Variants in MSC observed in about 807,000 individuals in gnomAD.
MSC encodes musculin.
In MSC, 16 loss-of-function variants were observed where a neutral mutation model predicts 14.4. The ratio of observed to expected loss-of-function variants is 1.11; its 90% CI spans 0.75 to 1.69. The LOEUF is 1.69. MSC is among the 40% of genes most tolerant of loss of function. The pLI, the probability that MSC is intolerant of heterozygous loss-of-function variation, is 0.00. For synonymous variants in MSC, 165 were observed against 128.5 expected (o/e 1.28, Z -1.92); for missense variants, 320 against 288.1 (o/e 1.11, Z -0.80).
chr8:71,843,044 A>G, intron 1 of MSC: 2 of 282,158 alleles, frequency 7.1e-6, no homozygotes, highest in South Asian at 5.5e-5. Flanking sequence ...ACACACACAC[A>G]CACACGCACA....
At position 71,844,165 on chromosome 8, in the gene MSC, G is replaced by T; in HGVS notation, c.14C>A (p.Ser5Ter). 1 of 1,555,682 alleles carries T rather than the reference G, an allele frequency of 6.4e-7. No individual in the cohort carries two copies. Among genetic ancestry groups the T allele is most frequent in the Non-Finnish European group, 8.7e-7 (1 of 1,150,090 alleles). The part of the protein sequence containing the change: MSTG[S>*]VSDPEEMELR... ...CTCCATCTCCTCCGGATCACTCACC[G>T]AGCCCGTGGACATCCCGTTGTCCCC... Residue 5 changes from serine (S) to a stop codon, truncating the protein, a stop_gained, in exon 1 of 2, where the codon TCG (serine) becomes TAG (stop). Coordinates refer to ENST00000325509, the MANE Select transcript of MSC (RefSeq NM_005098.4). LOFTEE classifies it high-confidence loss of function.
intron 1 of MSC, chr8:71,842,980 T>G (rs963501257): frequency 6.5e-6 from 3 of 464,654 alleles, no homozygotes; most frequent in African/African-American, 6.0e-5. Flanking sequence ...CGCAGGATAA[T>G]TTGGTGAAAC....
chr8:71,844,050 G>T lies in MSC; in HGVS notation c.129C>A (p.Asp43Glu), dbSNP rs1360294434. ...GGTCCTCCTCCTCTGCCGACGAGTT[G>T]TCACTGGGCGAGGCGTAGCTGCGCT... ...GVERSYASPS[D>E]NSSAEEEDPD... Residue 43 changes from aspartate to glutamate, a missense_variant, in exon 1 of 2, where the codon GAC becomes GAA. Transcript: ENST00000325509. 2 of 1,548,618 alleles carry T rather than the reference G, an allele frequency of 1.3e-6. No individual in the cohort carries two copies. The highest frequency in any genetic ancestry group is 2.8e-5 in the African/African-American group (2 of 72,638).
At position 71,843,900 on chromosome 8, in the gene MSC, C is replaced by A; in HGVS notation, c.279G>T (p.Lys93Asn). 6.3e-7 allele frequency: 1 copy of A among 1,595,478 alleles called. No individual in the cohort carries two copies. The highest frequency in any genetic ancestry group is 8.5e-7 in the Non-Finnish European group (1 of 1,171,906). Residue 93 changes from lysine (K) to asparagine (N), a missense_variant, in exon 1 of 2, where the codon AAG becomes AAT. Transcript: ENST00000325509. ...CGGCTGAGCCCTTGGCCGGGAGGGG[C>A]TTCTTGCCACCACCGCCCGCGCTAC... ...AGGSAGGGGKKPLPAKGSAAE... is the reference protein window; with the variant it reads ...AGGSAGGGGKNPLPAKGSAAE...
Position 71,842,356 on chromosome 8 carries a change from C to T in MSC, c.*305G>A. ...GGCTGTCTGGCGCGGGCTGGGGCAGCAGCCGAGAGTTAGTCTACAGAGCTA... is the reference window on the plus strand; with the variant it reads ...GGCTGTCTGGCGCGGGCTGGGGCAGTAGCCGAGAGTTAGTCTACAGAGCTA... On this transcript the variant is annotated 3_prime_UTR_variant, in exon 2 of 2. Transcript: ENST00000325509. 5.4e-6 allele frequency: 2 copies of T among 371,930 alleles called. No homozygotes were observed. The highest frequency in any genetic ancestry group is 5.2e-6 in the Non-Finnish European group (1 of 193,518). The allele number at this position is 371,930 out of a possible 1,614,324, so 23.0% of individuals were successfully genotyped here. A position where few individuals can be genotyped will look rare whatever the true frequency, so the allele number is the denominator to read the frequency against.
rs61732505 is a variant in MSC at position 71,843,884 on chromosome 8, C to T, written c.295G>A (p.Gly99Ser). Reference sequence around the variant, plus strand: ...GACTGCTTGCACTCTGCGGCTGAGCCCTTGGCCGGGAGGGGCTTCTTGCCA... The same window carrying T: ...GACTGCTTGCACTCTGCGGCTGAGCTCTTGGCCGGGAGGGGCTTCTTGCCA... Reference protein sequence around the residue: ...GGGKKPLPAKGSAAECKQSQR... With the variant: ...GGGKKPLPAKSSAAECKQSQR... Residue 99 changes from glycine to serine, a missense_variant, in exon 1 of 2, where the codon GGC (glycine) becomes AGC (serine). Physicochemically the swap from Gly to Ser is moderately conservative, Grantham distance 56. Transcript: ENST00000325509. 5.1e-4 allele frequency: 812 copies of T among 1,606,568 alleles called. 3 individuals are homozygous for T. The African/African-American group carries it at 9.9e-3, about 20-fold the overall frequency.
Position 71,842,424 on chromosome 8 carries a change from A to AAGCT in MSC, c.*233_*236dup. ...TGCGTCCGCGTCTCGTCACGAAAGG[A>AAGCT]AGCTCTTTTTGGAGAGGCAAAACGT... On this transcript the variant is annotated 3_prime_UTR_variant, in exon 2 of 2. Transcript: ENST00000325509. 1 of 530,612 alleles carries AAGCT rather than the reference A, an allele frequency of 1.9e-6. No homozygotes were observed. Among genetic ancestry groups the AAGCT allele is most frequent in the Non-Finnish European group, 3.4e-6 (1 of 289,884 alleles). 32.9% of individuals were successfully genotyped at this position (530,612 alleles called of 1,614,324 possible).
intron 1 of MSC, 178 bp downstream of exon 1, chr8:71,843,467 A>G: frequency 1.3e-6 from 1 of 784,852 alleles, no homozygotes; most frequent in Non-Finnish European, 2.2e-6. Context: ...ATTCTTCTTC[A>G]GGGAAATGGC....
At position 71,842,724 on chromosome 8, in the gene MSC, T is replaced by C; in HGVS notation, c.558A>G (p.Gly186=). 6.2e-7 allele frequency: 1 copy of C among 1,614,070 alleles called. No homozygotes were observed. Among genetic ancestry groups the C allele is most frequent in the Non-Finnish European group, 8.5e-7 (1 of 1,179,982 alleles). Reference sequence around the variant, plus strand: ...CTTCTTTGGTGTCAGAGTCCGGTCTTCCCGAGACCACGAATGGCCATGTCT... The same window carrying C: ...CTTCTTTGGTGTCAGAGTCCGGTCTCCCCGAGACCACGAATGGCCATGTCT... ...VNLTWPFVVS[G]RPDSDTKEVS... is the part of the protein sequence containing the mutation. Residue 186 remains glycine (G), a synonymous_variant, in exon 2 of 2, where the codon GGA becomes GGG. Coordinates refer to ENST00000325509, the MANE Select transcript of MSC (RefSeq NM_005098.4).
Position 71,842,594 on chromosome 8 carries a change from C to T in MSC, c.*67G>A. 2 of 1,464,866 alleles carry T rather than the reference C, an allele frequency of 1.4e-6. No homozygotes were observed. The highest frequency in any genetic ancestry group is 3.3e-5 in the Admixed American group (2 of 59,754). The allele number at this position is 1,464,866 out of a possible 1,614,324, so 90.7% of individuals were successfully genotyped here. A position where few individuals can be genotyped will look rare whatever the true frequency, so the allele number is the denominator to read the frequency against. The stretch of plus-strand genomic sequence containing the variant: ...CTTCTTCCCATCTCACGAGCTCTCC[C>T]TTCTCTCCGTGGCCCCCAAACACTC... On this transcript the variant is annotated 3_prime_UTR_variant, in exon 2 of 2. Transcript: ENST00000325509.
At chr8:71,842,841 G>T in intron 1 of MSC, 94 bp from the exon 2 acceptor site, 1 of 1,058,716 alleles carries the variant, frequency 9.4e-7, no homozygotes, top group South Asian at 1.3e-5. Flanking sequence ...TCCTGACTTG[G>T]AGTAGCTAAG....
chr8:71,842,597 C>G lies in MSC; in HGVS notation c.*64G>C. On this transcript the variant is annotated 3_prime_UTR_variant, in exon 2 of 2. Transcript: ENST00000325509. ...CTTCCCATCTCACGAGCTCTCCCTT[C>G]TCTCCGTGGCCCCCAAACACTCGCA... 3.4e-6 allele frequency: 5 copies of G among 1,483,632 alleles called. No homozygotes were observed. The highest frequency in any genetic ancestry group is 4.7e-6 in the Non-Finnish European group (5 of 1,061,558). 91.9% of individuals were successfully genotyped at this position (1,483,632 alleles called of 1,614,324 possible). A position where few individuals can be genotyped will look rare whatever the true frequency, so the allele number is the denominator to read the frequency against.
chr8:71,844,352 C>A lies in MSC; in HGVS notation c.-174G>T, dbSNP rs758680837. ...GCGAGGTGGGTGGCGAGAGCGTGAG[C>A]GCCCCTCTGCTGACCCCGGGGAGCG... is the stretch of plus-strand genomic sequence containing the variant. On this transcript the variant is annotated 5_prime_UTR_variant, in exon 1 of 2. Transcript: ENST00000325509. 6.6e-6 allele frequency: 6 copies of A among 911,618 alleles called. No homozygotes were observed. The highest frequency in any genetic ancestry group is 1.0e-5 in the Non-Finnish European group (6 of 577,660). 56.5% of individuals were successfully genotyped at this position (911,618 alleles called of 1,614,324 possible).
rs777540604 is a variant in MSC at position 71,843,634 on chromosome 8, C to T, written c.534+11G>A. The T allele has an allele frequency of 6.2e-7, 1 of 1,614,120 alleles. No individual in the cohort carries two copies. Among genetic ancestry groups the T allele is most frequent in the Non-Finnish European group, 8.5e-7 (1 of 1,180,016 alleles). On this transcript the variant is annotated intron_variant, in intron 1 of 1. Coordinates refer to ENST00000325509, the MANE Select transcript of MSC (RefSeq NM_005098.4). Reference sequence around the variant, plus strand: ...GCTGCTCTCCCGAATCCTTGCGCGCCGCGCCCCTACCAGGTTCACTGGGTG... The same window carrying T: ...GCTGCTCTCCCGAATCCTTGCGCGCTGCGCCCCTACCAGGTTCACTGGGTG...
In MSC at chr8:71,844,240, C is replaced by T; in HGVS notation, c.-62G>A. 2 of 1,602,346 alleles carry T rather than the reference C, an allele frequency of 1.2e-6. No homozygotes were observed. The highest frequency in any genetic ancestry group is 1.7e-6 in the Non-Finnish European group (2 of 1,175,810). On this transcript the variant is annotated 5_prime_UTR_variant, in exon 1 of 2. Transcript: ENST00000325509. The stretch of plus-strand genomic sequence containing the variant: ...TCCCCCCTGGCCAGTCTCGCTGTCT[C>T]CGCCTTCCGCTCCCTGGCGGAGGCG...
chr8:71,843,052 A>T, intron 1 of MSC: 1 of 251,292 alleles, frequency 4.0e-6, no homozygotes, highest in Non-Finnish European at 7.9e-6. Flanking sequence ...ACACACACGC[A>T]CACACACACA....
In MSC at chr8:71,844,190, C is replaced by T. The variant is rs1807461646; in HGVS notation, c.-12G>A. On this transcript the variant is annotated 5_prime_UTR_variant, in exon 1 of 2. Coordinates refer to ENST00000325509, the MANE Select transcript of MSC (RefSeq NM_005098.4). The stretch of plus-strand genomic sequence containing the variant: ...GAGCCCGTGGACATCCCGTTGTCCC[C>T]CTTGCCCACACGCGTCCTCTTTCCT... 1.9e-6 allele frequency: 3 copies of T among 1,589,220 alleles called. No individual in the cohort carries two copies. The highest frequency in any genetic ancestry group is 1.1e-5 in the South Asian group (1 of 88,812).
intron 1 of MSC, 64 bp downstream of exon 1, chr8:71,843,581 C>A (rs1355512103): frequency 6.2e-7 from 1 of 1,608,434 alleles, no homozygotes; most frequent in Non-Finnish European, 8.5e-7. Flanking sequence ...CCCTGCCCGG[C>A]GCCCAGGAGC....
In MSC at chr8:71,842,246, A is replaced by G; in HGVS notation, c.*415T>C. The G allele has an allele frequency of 8.5e-6, 2 of 235,470 alleles. No homozygotes were observed. The highest frequency in any genetic ancestry group is 1.7e-5 in the Non-Finnish European group (2 of 115,930). 14.6% of individuals were successfully genotyped at this position (235,470 alleles called of 1,614,324 possible). A position where few individuals can be genotyped will look rare whatever the true frequency, so the allele number is the denominator to read the frequency against. ...AGCGCGTTCTAACCGTTCCCTAACC[A>G]TTGTGTCACCGCGAAAGGCCGGGGC... On this transcript the variant is annotated 3_prime_UTR_variant, in exon 2 of 2. Coordinates refer to ENST00000325509, the MANE Select transcript of MSC (RefSeq NM_005098.4).
Sources: allele counts gnomAD v4.1 joint callset, GRCh38; gene constraint gnomAD v4.1.1; transcripts MANE v1.5; gene names NCBI Gene and HGNC (gene_info 2026-07-23, HGNC 2026-07-21).